Variants in GANC observed in about 807,000 individuals in gnomAD.
GANC encodes glucosidase alpha, neutral C.
A neutral mutation model predicts 124.2 loss-of-function variants in GANC; 117 were observed. The ratio of observed to expected loss-of-function variants is 0.94; its 90% confidence interval spans 0.81 to 1.10. The LOEUF is 1.10. GANC is among the 50% of genes least tolerant of loss of function. GANC has a pLI of 0.00. For missense variants in GANC, 1,140 were observed against 1,095.0 expected (o/e 1.04, Z -0.58); for synonymous variants, 377 against 376.8 (o/e 1.00, Z -0.01).
chr15:42,322,281 C>T (rs2052166393), intron 11 of GANC, among the ~76,000 whole-genome samples: 1 of 152,028 alleles, frequency 6.6e-6, no homozygotes, highest in Admixed American at 6.6e-5. Flanking sequence ...TTGTGGCCAC[C>T]CTGTAGTAAT....
chr15:42,299,336 T>C (rs2051922894), intron 6 of GANC, among the ~76,000 whole-genome samples: 1 of 152,214 alleles, frequency 6.6e-6, no homozygotes, highest in Non-Finnish European at 1.5e-5. Context: ...GGTTTTTGTC[T>C]TTGGTTCTGT....
Position 42,287,738 on chromosome 15 carries a change from G to C in GANC, c.249G>C (p.Arg83Ser). Residue 83 changes from arginine to serine, a missense_variant, in exon 4 of 24, where the codon AGG becomes AGC. By Grantham distance (110) the Arg-to-Ser change is moderately radical. Coordinates refer to ENST00000318010, the MANE Select transcript of GANC (RefSeq NM_198141.3). ...EIYGIEGNIF[R>S]LKINEETPLK... ...ATGGTATAGAAGGAAACATTTTCAGGCTTAAAATTAATGAAGAGACTCCTC... is the reference window on the plus strand; with the variant it reads ...ATGGTATAGAAGGAAACATTTTCAGCCTTAAAATTAATGAAGAGACTCCTC... 6.2e-7 allele frequency: 1 copy of C among 1,612,980 alleles called. No homozygotes were observed.
At chr15:42,316,719 G>T (rs1195789296) in intron 10 of GANC, among the ~76,000 whole-genome samples, 1 of 152,186 alleles carries the variant, frequency 6.6e-6, no homozygotes, top group Non-Finnish European at 1.5e-5. Context: ...CAGGAAGCTG[G>T]TGGAGCAGAG....
chr15:42,278,709 C>T (rs962316166), intron 3 of GANC, 119 bp downstream of exon 3: 2 of 669,884 alleles, frequency 3.0e-6, no homozygotes, highest in African/African-American at 1.8e-5. Context: ...GGAATATCAG[C>T]CTTTTAGTGA....
chr15:42,329,571 C>A, intron 14 of GANC, 122 bp downstream of exon 14: 2 of 1,018,674 alleles, frequency 2.0e-6, no homozygotes, highest in Non-Finnish European at 2.8e-6. Context: ...TCTTTTCTGA[C>A]AACTGCAATG....
intron 3 of GANC, chr15:42,281,154 A>G (rs553057796): frequency 1.4e-6 from 1 of 700,736 alleles, no homozygotes; most frequent in South Asian, 1.5e-5. Context: ...TATCAGAACC[A>G]CATAGGGAAT....
chr15:42,294,886 A>G (rs1595766871), intron 5 of GANC, among the ~76,000 whole-genome samples: 3 of 150,970 alleles, frequency 2.0e-5, no homozygotes, highest in Admixed American at 2.0e-4. Flanking sequence ...AACCTTGAAT[A>G]TGTGTCATTG....
rs941031091 is a variant in GANC, at chr15:42,273,470, G to C, written c.-1012G>C. The C allele has an allele frequency of 6.3e-7, 1 of 1,592,970 alleles. No individual in the cohort carries two copies. Among genetic ancestry groups the C allele is most frequent in the Non-Finnish European group, 8.5e-7 (1 of 1,170,792 alleles). ...GTTCGTCCCGCCTTCTTCCGGCTCT[G>C]CTCTAAGGGCGGGATTATCCGGGTC... On this transcript the variant is annotated 5_prime_UTR_variant, in exon 1 of 24. Transcript: ENST00000318010.
chr15:42,350,972 G>C (rs112639686), intron 22 of GANC, among the ~76,000 whole-genome samples: 1 of 151,278 alleles, frequency 6.6e-6, no homozygotes, highest in Non-Finnish European at 1.5e-5. Flanking sequence ...CCCAGGTTCG[G>C]GGGATTCTCG....
chr15:42,345,253 C>T (rs957188111), intron 19 of GANC, among the ~76,000 whole-genome samples: 1 of 148,832 alleles, frequency 6.7e-6, no homozygotes, highest in African/African-American at 2.5e-5. Context: ...ATTCAAGTTT[C>T]CATTTTTTTC....
At chr15:42,328,012 T>C (rs2052210924) in intron 13 of GANC, among the ~76,000 whole-genome samples, 1 of 152,200 alleles carries the variant, frequency 6.6e-6, no homozygotes, top group Non-Finnish European at 1.5e-5. Flanking sequence ...TCATACCATT[T>C]GTCTTCATAA....
At chr15:42,329,648 T>C (rs761189906) in intron 14 of GANC, 199 bp downstream of exon 14, 1 of 451,080 alleles carries the variant, frequency 2.2e-6, no homozygotes. Flanking sequence ...CTTTTCATGA[T>C]GAACTTGATG....
At chr15:42,284,312 A>C (rs2051764332) in intron 3 of GANC, 1 of 344,910 alleles carries the variant, frequency 2.9e-6, no homozygotes, top group Middle Eastern at 8.5e-4. Flanking sequence ...TGTGATCAAC[A>C]CTATGCTTGA....
intron 3 of GANC, among the ~76,000 whole-genome samples, chr15:42,283,175 G>T (rs1405649003): frequency 2.6e-5 from 4 of 152,216 alleles, no homozygotes; most frequent in African/African-American, 9.7e-5. Context: ...CCTGTGTGTT[G>T]TTGCAAGGTC....
chr15:42,330,254 ACTGT>A (rs1412066221), intron 14 of GANC, among the ~76,000 whole-genome samples: 2 of 152,122 alleles, frequency 1.3e-5, no homozygotes, highest in Non-Finnish European at 2.9e-5. Flanking sequence ...ACCAATGAAA[ACTGT>A]CTGTCTCAGA....
In GANC at chr15:42,273,984, A is replaced by G; in HGVS notation, c.-498A>G. The G allele has an allele frequency of 4.5e-6, 1 of 219,998 alleles. No individual in the cohort carries two copies. The highest frequency in any genetic ancestry group is 5.6e-5 in the South Asian group (1 of 17,746). 13.6% of individuals were successfully genotyped at this position (219,998 alleles called of 1,614,324 possible). A position where few individuals can be genotyped will look rare whatever the true frequency, so the allele number is the denominator to read the frequency against. ...TGCAGTACAATCTGGCTGGAGACCT[A>G]GCCTCCAGCAAAGACCCGGCCGGCA... On this transcript the variant is annotated 5_prime_UTR_variant, in exon 1 of 24. Transcript: ENST00000318010.
chr15:42,273,507 G>C lies in GANC; in HGVS notation c.-975G>C. On this transcript the variant is annotated 5_prime_UTR_variant, in exon 1 of 24. Transcript: ENST00000318010. ...GGATTATCCGGGTCCTGGAAACGTC[G>C]CGGAGCTTGTTTGCTGTGCGGCGTA... 1 of 1,519,984 alleles carries C rather than the reference G, an allele frequency of 6.6e-7. No individual in the cohort carries two copies. Among genetic ancestry groups the C allele is most frequent in the Non-Finnish European group, 8.8e-7 (1 of 1,135,114 alleles). The allele number at this position is 1,519,984 out of a possible 1,614,324, so 94.2% of individuals were successfully genotyped here. A position where few individuals can be genotyped will look rare whatever the true frequency, so the allele number is the denominator to read the frequency against.
intron 15 of GANC, 116 bp from the exon 16 acceptor site, chr15:42,338,273 G>A: frequency 1.8e-6 from 1 of 550,248 alleles, no homozygotes; most frequent in East Asian, 3.2e-5. Flanking sequence ...TTATTTTAAG[G>A]CAAGAAATTG....
intron 13 of GANC, among the ~76,000 whole-genome samples, chr15:42,328,711 C>T (rs1323477046): frequency 1.3e-5 from 2 of 152,102 alleles, no homozygotes; most frequent in African/African-American, 2.4e-5. Context: ...AGTCAAACGC[C>T]AAAAGATAAG....
Sources: gnomAD v4.1 joint callset for allele counts (sites outside exome capture counted in the v4.1 genomes callset) on GRCh38, gnomAD v4.1.1 for gene constraint, MANE v1.5 for transcripts, NCBI Gene and HGNC (gene_info 2026-07-23, HGNC 2026-07-21) for gene names.